The following ENTREP2 variants were observed in gnomAD, a reference collection of about 807,000 sequenced individuals.
The protein encoded by ENTREP2 is protein ENTREP2.
At chr15:29,486,877 G>A in the ENTREP2 span, among the ~76,000 whole-genome samples, 1 of 152,166 alleles carries the variant, frequency 6.6e-6, no homozygotes, top group Non-Finnish European at 1.5e-5. Context: ...TGGGTGCAGA[G>A]TCTGGGAAGG....
chr15:29,626,441 G>A, the ENTREP2 span, among the ~76,000 whole-genome samples: 1 of 152,194 alleles, frequency 6.6e-6, no homozygotes, highest in Non-Finnish European at 1.5e-5. Flanking sequence ...CATGTAGGAT[G>A]TGACTTTGCT....
the ENTREP2 span, among the ~76,000 whole-genome samples, chr15:29,483,123 A>T: frequency 4.6e-5 from 7 of 152,242 alleles, no homozygotes; most frequent in African/African-American, 1.7e-4. Context: ...TGCTTATTTG[A>T]CAACTGTATA....
At chr15:29,390,542 C>T in the ENTREP2 span, among the ~76,000 whole-genome samples, 2 of 152,178 alleles carry the variant, frequency 1.3e-5, no homozygotes, top group African/African-American at 4.8e-5. Flanking sequence ...CACTTCCCCA[C>T]CCAGCCTAAT....
chr15:29,547,628 T>C, the ENTREP2 span, among the ~76,000 whole-genome samples: 3 of 152,110 alleles, frequency 2.0e-5, no homozygotes, highest in African/African-American at 4.8e-5. Context: ...CAAACCCTTA[T>C]AGACTCCTGG....
the ENTREP2 span, chr15:29,234,291 T>A: frequency 1.6e-5 from 26 of 1,612,234 alleles, no homozygotes; most frequent in Non-Finnish European, 2.1e-5. Flanking sequence ...GTATCATCTT[T>A]CGGGTCAAAA....
the ENTREP2 span, among the ~76,000 whole-genome samples, chr15:29,583,059 C>T: frequency 3.3e-5 from 5 of 152,098 alleles, no homozygotes; most frequent in African/African-American, 9.7e-5. Context: ...AATTTCTGAG[C>T]TCTAAAGAAA....
At chr15:29,402,251 A>AATATATATATATATATAT in the ENTREP2 span, among the ~76,000 whole-genome samples, 6,622 of 111,440 alleles carry the variant, frequency 0.059, 281 homozygotes, top group Non-Finnish European at 0.075. Flanking sequence ...ATTATAGAAG[A>AATATATATATATATATAT]ATATATATAT....
chr15:29,326,095 TAA>T, the ENTREP2 span, among the ~76,000 whole-genome samples: 1 of 152,102 alleles, frequency 6.6e-6, no homozygotes, highest in African/African-American at 2.4e-5. Flanking sequence ...CTCAACTTGA[TAA>T]AAAGTGTTTA....
the ENTREP2 span, chr15:29,381,688 T>A: frequency 8.9e-7 from 1 of 1,119,494 alleles, no homozygotes; most frequent in Non-Finnish European, 1.3e-6. Context: ...GAAGTTGGAA[T>A]TCTCTTCGCC....
chr15:29,404,139 C>T, the ENTREP2 span, among the ~76,000 whole-genome samples: 1 of 152,060 alleles, frequency 6.6e-6, no homozygotes, highest in African/African-American at 2.4e-5. Context: ...GGCTGGATTC[C>T]TGCAAGGGCA....
chr15:29,441,224 G>A, the ENTREP2 span, among the ~76,000 whole-genome samples: 2 of 152,192 alleles, frequency 1.3e-5, no homozygotes, highest in African/African-American at 4.8e-5. Context: ...GGACAAATAT[G>A]TGTGACTCCA....
chr15:29,652,550 C>T, the ENTREP2 span, among the ~76,000 whole-genome samples: 2 of 152,218 alleles, frequency 1.3e-5, no homozygotes, highest in African/African-American at 4.8e-5. Context: ...TTTAGGGAGC[C>T]CAGACCTGGG....
At chr15:29,265,982 T>C in the ENTREP2 span, 2 of 152,218 alleles carry the variant, frequency 1.3e-5, no homozygotes, top group African/African-American at 4.8e-5. Flanking sequence ...GTAGCTCTTA[T>C]AAACACTAAT....
chr15:29,646,373 C>T, the ENTREP2 span, among the ~76,000 whole-genome samples: 2,249 of 152,222 alleles, frequency 0.015, 49 homozygotes, highest in African/African-American at 0.051. Context: ...CTCGGGATGC[C>T]GGCACAGTTC....
the ENTREP2 span, among the ~76,000 whole-genome samples, chr15:29,379,902 T>C: frequency 6.6e-6 from 1 of 152,102 alleles, no homozygotes; most frequent in East Asian, 1.9e-4. Flanking sequence ...GTCTGCACCA[T>C]GAAGGTGGGT....
the ENTREP2 span, among the ~76,000 whole-genome samples, chr15:29,206,891 G>A: frequency 6.6e-6 from 1 of 152,086 alleles, no homozygotes; most frequent in East Asian, 1.9e-4. Flanking sequence ...TCCGTGTTCT[G>A]CCTAAACGTT....
the ENTREP2 span, among the ~76,000 whole-genome samples, chr15:29,655,273 C>T: frequency 6.6e-6 from 1 of 152,100 alleles, no homozygotes; most frequent in Non-Finnish European, 1.5e-5. Context: ...GTAGCACAAC[C>T]CTAATCTATG....
chr15:29,197,765 C>CAAA, the ENTREP2 span, among the ~76,000 whole-genome samples: 1 of 117,650 alleles, frequency 8.5e-6, no homozygotes, highest in Admixed American at 8.8e-5. Context: ...GACTCCATCT[C>CAAA]AAAAAAAAAA....
At chr15:29,190,846 A>G in the ENTREP2 span, among the ~76,000 whole-genome samples, 3 of 152,336 alleles carry the variant, frequency 2.0e-5, no homozygotes, top group African/African-American at 7.2e-5. Context: ...GAAAAGATCA[A>G]TGGACCTGCT....
Sources: allele counts gnomAD v4.1 joint callset (sites outside exome capture counted in the v4.1 genomes callset), GRCh38; gene constraint gnomAD v4.1.1; transcripts MANE v1.5; gene names NCBI Gene and HGNC (gene_info 2026-07-23, HGNC 2026-07-21).